CARD19: variants seen among roughly 807,000 people sequenced by gnomAD.
CARD19 encodes caspase recruitment domain-containing protein 19.
CARD19 carries 25 observed loss-of-function variants against 24.1 expected under a neutral mutation model. That is an observed-to-expected ratio of 1.04 (90% CI 0.76 to 1.45). The LOEUF is 1.45. Among genes scored for constraint, CARD19 ranks in the 40% most tolerant of loss-of-function variants. CARD19 has a pLI of 0.00. For missense variants in CARD19, 241 were observed against 247.4 expected (o/e 0.97, Z 0.17); for synonymous variants, 103 against 104.9 (o/e 0.98, Z 0.11).
intron 3 of CARD19, chr9:93,110,993 G>T (rs1481731901): frequency 3.3e-6 from 5 of 1,499,742 alleles, no homozygotes; most frequent in Non-Finnish European, 4.4e-6. Flanking sequence ...ACACAGCATG[G>T]GGCATCTTAT....
rs936880158 is a variant in CARD19 at position 93,113,201 on chromosome 9, A to G, written c.*94A>G. ...CTGCTGCTTCTTTTTCTAAATGCAT[A>G]TTTTTCATTATTTATAATTTGTGTA... On this transcript the variant is annotated 3_prime_UTR_variant, in exon 6 of 6. Transcript: ENST00000375464. 3 of 692,230 alleles carry G rather than the reference A, an allele frequency of 4.3e-6. No homozygotes were observed. Among genetic ancestry groups the G allele is most frequent in the African/African-American group, 1.8e-5 (1 of 55,040 alleles). The allele number at this position is 692,230 out of a possible 1,614,324, so 42.9% of individuals were successfully genotyped here.
chr9:93,112,215 C>T lies in CARD19; in HGVS notation c.365-3C>T, dbSNP rs1232535263. 1.3e-6 allele frequency: 2 copies of T among 1,544,920 alleles called. No individual in the cohort carries two copies. The highest frequency in any genetic ancestry group is 1.4e-5 in the African/African-American group (1 of 73,112). ...AGCCCTGTTCACGCTGGTTTCTCCCCAGGACCCATGAGCTTCCTGGCTGGC... is the reference window on the plus strand; with the variant it reads ...AGCCCTGTTCACGCTGGTTTCTCCCTAGGACCCATGAGCTTCCTGGCTGGC... On this transcript the variant is annotated splice_polypyrimidine_tract_variant and splice_region_variant and intron_variant, in intron 4 of 5. Transcript: ENST00000375464.
chr9:93,106,998 G>GAA (rs35142213), intron 1 of CARD19, among the ~76,000 whole-genome samples: 2 of 149,186 alleles, frequency 1.3e-5, no homozygotes, highest in South Asian at 4.2e-4. Flanking sequence ...GGTGATTCTG[G>GAA]AAAAAAAAAA....
intron 1 of CARD19, among the ~76,000 whole-genome samples, chr9:93,098,706 A>G (rs1826970324): frequency 6.6e-6 from 1 of 152,160 alleles, no homozygotes; most frequent in Admixed American, 6.5e-5. Context: ...CCCAAGCCGC[A>G]GAGCCTGGCT....
intron 1 of CARD19, among the ~76,000 whole-genome samples, chr9:93,099,150 T>C (rs1456454161): frequency 6.6e-6 from 1 of 152,158 alleles, no homozygotes; most frequent in African/African-American, 2.4e-5. Context: ...GGTCTTGAAC[T>C]CCTGACCTCA....
In CARD19 at chr9:93,113,156, G is replaced by A. The variant is rs747544372; in HGVS notation, c.*49G>A. On this transcript the variant is annotated 3_prime_UTR_variant, in exon 6 of 6. Coordinates refer to ENST00000375464, the MANE Select transcript of CARD19 (RefSeq NM_032310.5). ...CCTGCCACTCAACCAAAGAGTCCTC[G>A]AGCCGGCCCGCCAAGGGGACTGCTG... The A allele has an allele frequency of 1.2e-4, 150 of 1,226,550 alleles. No homozygotes were observed. Among genetic ancestry groups the A allele is most frequent in the Middle Eastern group, 1.9e-4 (1 of 5,252 alleles). 76.0% of individuals were successfully genotyped at this position (1,226,550 alleles called of 1,614,324 possible).
chr9:93,100,922 A>G (rs1049578244), intron 1 of CARD19, among the ~76,000 whole-genome samples: 1 of 152,246 alleles, frequency 6.6e-6, no homozygotes, highest in Admixed American at 6.5e-5. Context: ...TTTAGGGCTG[A>G]GTAATATTCC....
intron 1 of CARD19, among the ~76,000 whole-genome samples, chr9:93,105,207 T>C (rs1192946608): frequency 1.3e-5 from 2 of 151,784 alleles, no homozygotes; most frequent in Non-Finnish European, 2.9e-5. Context: ...CGTGTGTGTG[T>C]GTGTGTGTGT....
At chr9:93,105,260 A>G (rs1827214249) in intron 1 of CARD19, among the ~76,000 whole-genome samples, 1 of 150,394 alleles carries the variant, frequency 6.6e-6, no homozygotes, top group Admixed American at 6.6e-5. Flanking sequence ...TTACCTCATG[A>G]TTTCTCTTTT....
In CARD19 at chr9:93,112,965, GCTTTTGCCTCCC is replaced by G. The variant is rs1176529339; in HGVS notation, c.437-20_437-9del. On this transcript the variant is annotated splice_polypyrimidine_tract_variant and intron_variant, in intron 5 of 5. Transcript: ENST00000375464. ...ATTCACCTCTGGGACTGGTTCTTGA[GCTTTTGCCTCCC>G]CTTTTGTCTTCTAGACCCCAAGGGC... The G allele has an allele frequency of 6.5e-7, 1 of 1,539,352 alleles. No individual in the cohort carries two copies. The highest frequency in any genetic ancestry group is 8.9e-7 in the Non-Finnish European group (1 of 1,123,058).
intron 2 of CARD19, 25 bp downstream of exon 2, chr9:93,107,841 C>T: frequency 1.2e-6 from 2 of 1,613,862 alleles, no homozygotes; most frequent in Non-Finnish European, 1.7e-6. Flanking sequence ...AGGGGGGTAC[C>T]CGAGACACTG....
intron 1 of CARD19, among the ~76,000 whole-genome samples, chr9:93,102,202 C>T (rs2119072280): frequency 6.6e-6 from 1 of 151,730 alleles, no homozygotes; most frequent in East Asian, 2.0e-4. Flanking sequence ...CCTTAGGTGA[C>T]CTCAGGTCAT....
chr9:93,112,483 C>T (rs78870712), intron 5 of CARD19, among the ~76,000 whole-genome samples, 194 bp downstream of exon 5: 2,110 of 152,340 alleles, frequency 0.014, 50 homozygotes, highest in African/African-American at 0.047. Flanking sequence ...TCCACTGGCC[C>T]CTGCCACCCT....
At chr9:93,103,728 A>G (rs2119076794) in intron 1 of CARD19, among the ~76,000 whole-genome samples, 3 of 152,362 alleles carry the variant, frequency 2.0e-5, no homozygotes, top group Admixed American at 2.0e-4. Context: ...GTCCAAGATC[A>G]GGGAGCTAGC....
In CARD19 at chr9:93,113,209, T is replaced by C; in HGVS notation, c.*102T>C. Reference sequence around the variant, plus strand: ...TCTTTTTCTAAATGCATATTTTTCATTATTTATAATTTGTGTAAAAAACAC... The same window carrying C: ...TCTTTTTCTAAATGCATATTTTTCACTATTTATAATTTGTGTAAAAAACAC... On this transcript the variant is annotated 3_prime_UTR_variant, in exon 6 of 6. Coordinates refer to ENST00000375464, the MANE Select transcript of CARD19 (RefSeq NM_032310.5). 4 of 688,086 alleles carry C rather than the reference T, an allele frequency of 5.8e-6. No individual in the cohort carries two copies. The highest frequency in any genetic ancestry group is 9.6e-6 in the Non-Finnish European group (4 of 417,666). The allele number at this position is 688,086 out of a possible 1,614,324, so 42.6% of individuals were successfully genotyped here. A position where few individuals can be genotyped will look rare whatever the true frequency, so the allele number is the denominator to read the frequency against.
chr9:93,108,531 G>GGACT (rs1827348443), intron 2 of CARD19, among the ~76,000 whole-genome samples: 1 of 151,938 alleles, frequency 6.6e-6, no homozygotes, highest in Non-Finnish European at 1.5e-5. Flanking sequence ...GGTGTGGTGA[G>GGACT]GACTGACTGA....
At chr9:93,101,588 C>T (rs1252407797) in intron 1 of CARD19, among the ~76,000 whole-genome samples, 1 of 151,734 alleles carries the variant, frequency 6.6e-6, no homozygotes, top group Admixed American at 6.6e-5. Flanking sequence ...TACAGGTACC[C>T]GCCATCACAC....
At chr9:93,103,148 G>A (rs1222769262) in intron 1 of CARD19, among the ~76,000 whole-genome samples, 1 of 152,032 alleles carries the variant, frequency 6.6e-6, no homozygotes, top group Non-Finnish European at 1.5e-5. Flanking sequence ...GCTCTAGTTA[G>A]GACTGCTAGT....
At chr9:93,109,891 T>C (rs1827393606) in intron 2 of CARD19, 1 of 152,318 alleles carries the variant, frequency 6.6e-6, no homozygotes, top group Non-Finnish European at 1.5e-5. Context: ...CATTATCCCT[T>C]TTTTACAAAT....
Sources: allele counts gnomAD v4.1 joint callset (sites outside exome capture counted in the v4.1 genomes callset), GRCh38; gene constraint gnomAD v4.1.1; transcripts MANE v1.5; gene names NCBI Gene and HGNC (gene_info 2026-07-23, HGNC 2026-07-21).